Variants in NAT10 observed in about 807,000 individuals in gnomAD.
NAT10 encodes the protein N-acetyltransferase 10.
A neutral mutation model predicts 132.2 loss-of-function variants in NAT10; 109 were observed. The ratio of observed to expected loss-of-function variants is 0.82; its 90% CI spans 0.71 to 0.97. The LOEUF (loss-of-function observed/expected upper bound fraction) is 0.97. Ranked by LOEUF, NAT10 falls within the 50% of genes least tolerant of loss-of-function variation. The pLI is 0.00. For missense variants in NAT10, 1,184 were observed against 1,263.4 expected (o/e 0.94, Z 0.95); for synonymous variants, 479 against 478.0 (o/e 1.00, Z -0.03).
intron 24 of NAT10, 27 bp downstream of exon 24, chr11:34,140,599 G>C: frequency 6.2e-7 from 1 of 1,604,490 alleles, no homozygotes; most frequent in South Asian, 1.1e-5. Context: ...TTGCGTGGAG[G>C]AGAAGCGAGG....
rs1454481244 is a variant in NAT10, at chr11:34,146,487, T to C, written c.*295T>C. 1 of 223,342 alleles carries C rather than the reference T, an allele frequency of 4.5e-6. No individual in the cohort carries two copies. Among genetic ancestry groups the C allele is most frequent in the Non-Finnish European group, 8.9e-6 (1 of 112,794 alleles). 13.8% of individuals were successfully genotyped at this position (223,342 alleles called of 1,614,324 possible). ...CTTTCCTATAAGTTCATATTTTGCT[T>C]TGAGCCAGCTTTTTAGTCTCATTCC... On this transcript the variant is annotated 3_prime_UTR_variant, in exon 29 of 29. Coordinates refer to ENST00000257829, the MANE Select transcript of NAT10 (RefSeq NM_024662.3).
intron 12 of NAT10, among the ~76,000 whole-genome samples, chr11:34,128,210 T>C (rs1208088085): frequency 6.6e-6 from 1 of 151,872 alleles, no homozygotes; most frequent in African/African-American, 2.4e-5. Flanking sequence ...AAAAATTAGC[T>C]GGGTCTGGTG....
chr11:34,133,882 A>G (rs2982616), intron 16 of NAT10, among the ~76,000 whole-genome samples: 151,496 of 152,148 alleles, frequency 1, 75,430 homozygotes, highest in East Asian at 1. Context: ...GCCAGGCGCC[A>G]TGGCTCACGC....
chr11:34,140,255 G>C, intron 23 of NAT10, 145 bp from the exon 24 acceptor site: 1 of 745,462 alleles, frequency 1.3e-6, no homozygotes, highest in Non-Finnish European at 2.1e-6. Flanking sequence ...AGCAGGTTTG[G>C]TGCCCCTCTG....
intron 4 of NAT10, 49 bp downstream of exon 4, chr11:34,112,272 G>A (rs778120972): frequency 6.2e-7 from 1 of 1,608,344 alleles, no homozygotes; most frequent in Non-Finnish European, 8.5e-7. Flanking sequence ...CTTGAGGGTT[G>A]CTTGGGCTGC....
intron 19 of NAT10, among the ~76,000 whole-genome samples, chr11:34,135,783 C>T (rs1408374140): frequency 2.0e-5 from 3 of 152,118 alleles, no homozygotes; most frequent in African/African-American, 4.8e-5. Context: ...GGCAACATGG[C>T]GAAACTCCAT....
rs775276900 is a variant in NAT10 at position 34,113,699 on chromosome 11, A to T, written c.373-17A>T. 2 of 1,608,190 alleles carry T rather than the reference A, an allele frequency of 1.2e-6. No individual in the cohort carries two copies. The highest frequency in any genetic ancestry group is 3.4e-5 in the Admixed American group (2 of 58,962). On this transcript the variant is annotated splice_polypyrimidine_tract_variant and intron_variant, in intron 4 of 28. Coordinates refer to ENST00000257829, the MANE Select transcript of NAT10 (RefSeq NM_024662.3). ...CTATTTGCATGACCAGCCCTTTCTAACGCCCCCTTCTTCCAGGATTTTGAA... is the reference window on the plus strand; with the variant it reads ...CTATTTGCATGACCAGCCCTTTCTATCGCCCCCTTCTTCCAGGATTTTGAA...
chr11:34,113,829 A>G lies in NAT10; in HGVS notation c.486A>G (p.Thr162=). 6.2e-7 allele frequency: 1 copy of G among 1,613,384 alleles called. No homozygotes were observed. The highest frequency in any genetic ancestry group is 1.7e-4 in the Middle Eastern group (1 of 6,060). The change falls in exon 5 of 29, where the codon ACA becomes ACG. Residue 162 remains threonine, a synonymous_variant. Transcript: ENST00000257829. Reference sequence around the variant, plus strand: ...TGAACTCACTCAAGCAATTGTACACAGTGACTATGGTAAGCATCTGTTTTT... The same window carrying G: ...TGAACTCACTCAAGCAATTGTACACGGTGACTATGGTAAGCATCTGTTTTT... The part of the protein sequence containing the change: ...RTMNSLKQLY[T]VTMDVHSRYR...
intron 8 of NAT10, among the ~76,000 whole-genome samples, chr11:34,122,049 G>A (rs181525397): frequency 5.9e-5 from 9 of 151,800 alleles, no homozygotes; most frequent in African/African-American, 1.9e-4. Flanking sequence ...GGTGGCAAGC[G>A]CCTGTAATCT....
In NAT10 at chr11:34,108,236, A is replaced by C; in HGVS notation, c.11A>C (p.Lys4Thr). The change falls in exon 2 of 29, where the codon AAA (lysine) becomes ACA (threonine). Residue 4 changes from lysine to threonine, a missense_variant. Coordinates refer to ENST00000257829, the MANE Select transcript of NAT10 (RefSeq NM_024662.3). MHR[K>T]KVDNRIRILI... is the part of the protein sequence containing the mutation. The stretch of plus-strand genomic sequence containing the variant: ...TAATAATTTTTCACCATGCATCGGA[A>C]AAAGGTGGATAACCGAATCCGGATT... 6.2e-7 allele frequency: 1 copy of C among 1,613,920 alleles called. No homozygotes were observed. The highest frequency in any genetic ancestry group is 8.5e-7 in the Non-Finnish European group (1 of 1,179,780).
In NAT10 at chr11:34,133,159, G is replaced by T; in HGVS notation, c.1734+17G>T. On this transcript the variant is annotated intron_variant, in intron 16 of 28. Coordinates refer to ENST00000257829, the MANE Select transcript of NAT10 (RefSeq NM_024662.3). ...GTTATCCAGGTATAGGAGCAGAGGCGTCCTTGTGGCAGTGATTTGGGGAAC... is the reference window on the plus strand; with the variant it reads ...GTTATCCAGGTATAGGAGCAGAGGCTTCCTTGTGGCAGTGATTTGGGGAAC... 6.4e-7 allele frequency: 1 copy of T among 1,572,518 alleles called. No individual in the cohort carries two copies.
chr11:34,135,784 G>A (rs985708949), intron 19 of NAT10, among the ~76,000 whole-genome samples: 2 of 152,116 alleles, frequency 1.3e-5, no homozygotes, highest in Admixed American at 6.5e-5. Flanking sequence ...GCAACATGGC[G>A]AAACTCCATC....
At position 34,139,014 on chromosome 11, in the gene NAT10, A is replaced by G. The variant is rs1011249801; in HGVS notation, c.2212-177A>G. On this transcript the variant is annotated intron_variant, in intron 21 of 28. Transcript: ENST00000257829. ...CAGCTGTTGTGTGTGAACTGAGGTG[A>G]TATGAGGAAGGTGAAGGCGAGGGCT... 13 of 592,196 alleles carry G rather than the reference A, an allele frequency of 2.2e-5. No homozygotes were observed. In the Admixed American group the frequency reaches 3.7e-4, roughly 17 times the overall value. 36.7% of individuals were successfully genotyped at this position (592,196 alleles called of 1,614,324 possible).
At chr11:34,110,919 C>T (rs1028783993) in intron 3 of NAT10, among the ~76,000 whole-genome samples, 1 of 152,122 alleles carries the variant, frequency 6.6e-6, no homozygotes, top group African/African-American at 2.4e-5. Flanking sequence ...GTGTATCTTA[C>T]AGGGATGTAG....
chr11:34,143,289 C>T (rs2132984742), intron 27 of NAT10, among the ~76,000 whole-genome samples, 156 bp from the exon 28 acceptor site: 1 of 152,336 alleles, frequency 6.6e-6, no homozygotes, highest in Non-Finnish European at 1.5e-5. Flanking sequence ...GCATGCTTGT[C>T]CCCTCTGTCC....
At chr11:34,142,079 G>C in intron 26 of NAT10, 196 bp from the exon 27 acceptor site, 2 of 632,668 alleles carry the variant, frequency 3.2e-6, no homozygotes, top group East Asian at 5.5e-5. Flanking sequence ...TGTCTTTTTT[G>C]GTGACTTCTT....
Position 34,124,287 on chromosome 11 carries a change from T to G in NAT10, c.1009-15T>G. On this transcript the variant is annotated splice_polypyrimidine_tract_variant and intron_variant, in intron 10 of 28. Coordinates refer to ENST00000257829, the MANE Select transcript of NAT10 (RefSeq NM_024662.3). ...CTTGTTTCTAAAGTTTGTCATTGGT[T>G]TGACTCCCCACCAGGAACATCTGGA... is the stretch of plus-strand genomic sequence containing the variant. 6.4e-7 allele frequency: 1 copy of G among 1,570,662 alleles called. No homozygotes were observed. Among genetic ancestry groups the G allele is most frequent in the Non-Finnish European group, 8.7e-7 (1 of 1,146,248 alleles).
At chr11:34,123,941 G>A (rs909520098) in intron 10 of NAT10, 86 bp downstream of exon 10, 7 of 1,043,216 alleles carry the variant, frequency 6.7e-6, no homozygotes, top group South Asian at 3.9e-5. Context: ...AGGCCGACGC[G>A]GGCGGATCAC....
intron 8 of NAT10, among the ~76,000 whole-genome samples, chr11:34,118,962 A>G (rs951956189): frequency 6.6e-6 from 1 of 152,190 alleles, no homozygotes; most frequent in African/African-American, 2.4e-5. Context: ...AGAGGGCAAC[A>G]TACCTGTGTT....
Sources: gnomAD v4.1 joint callset for allele counts (sites outside exome capture counted in the v4.1 genomes callset) on GRCh38, gnomAD v4.1.1 for gene constraint, MANE v1.5 for transcripts, NCBI Gene and HGNC (gene_info 2026-07-23, HGNC 2026-07-21) for gene names.